The following LMNTD1 variants were observed in gnomAD, a reference collection of about 807,000 sequenced individuals.
LMNTD1 encodes the protein lamin tail domain containing 1.
Under a neutral mutation model 50.9 loss-of-function variants are expected in LMNTD1, and 35 were observed. That is an observed-to-expected ratio of 0.69 (90% confidence interval 0.53 to 0.91). The LOEUF is 0.91. Ranked by LOEUF, LMNTD1 falls within the 40% of genes least tolerant of loss-of-function variation. LMNTD1 has a pLI of 0.00. For missense variants in LMNTD1, 470 were observed against 475.5 expected, an observed-to-expected ratio of 0.99 and a Z score of 0.11; for synonymous variants, 153 against 161.9, an observed-to-expected ratio of 0.94 and a Z score of 0.42.
At chr12:25,597,847 G>A (rs1299108986) in intron 1 of LMNTD1, among the ~76,000 whole-genome samples, 1 of 152,030 alleles carries the variant, frequency 6.6e-6, no homozygotes, top group Non-Finnish European at 1.5e-5. Flanking sequence ...GAGAAATTTT[G>A]GAAATTATAC....
At chr12:25,602,137 G>C (rs936698103) in intron 1 of LMNTD1, among the ~76,000 whole-genome samples, 3 of 151,702 alleles carry the variant, frequency 2.0e-5, no homozygotes, top group African/African-American at 7.3e-5. Flanking sequence ...GAAAGAAGGG[G>C]TACTGACTGG....
At chr12:25,515,831 T>C (rs1009093011) in intron 8 of LMNTD1, among the ~76,000 whole-genome samples, 1 of 152,156 alleles carries the variant, frequency 6.6e-6, no homozygotes, top group African/African-American at 2.4e-5. Flanking sequence ...GATAGATTTC[T>C]TTCTATCTAA....
rs374476077 is a variant in LMNTD1, at chr12:25,564,577, T to C, written c.59-18023A>G. ...CGGCTTGATTTATAGTTTTATTCTG[T>C]TGTGATCAGAGAAGATGCTAGACAT... On this transcript the variant is annotated intron_variant, in intron 1 of 7. Coordinates refer to the LMNTD1 transcript ENST00000445693. Among the ~76,000 whole-genome samples, 349 of 152,290 alleles carry C rather than the reference T, an allele frequency of 2.3e-3. 4 individuals are homozygous for C. Among genetic ancestry groups the C allele is most frequent in the South Asian group, 0.017 (80 of 4,828 alleles).
At chr12:25,545,268 A>C (rs1037411436) in intron 4 of LMNTD1, among the ~76,000 whole-genome samples, 1 of 151,650 alleles carries the variant, frequency 6.6e-6, no homozygotes, top group Non-Finnish European at 1.5e-5. Context: ...CACATTAAAA[A>C]CATTGTCTCA....
At chr12:25,552,401 G>A in intron 2 of LMNTD1, among the ~76,000 whole-genome samples, 1 of 151,650 alleles carries the variant, frequency 6.6e-6, no homozygotes, top group Admixed American at 6.6e-5. Flanking sequence ...GGCAGATCAC[G>A]AGGTCAGGAG....
intron 9 of LMNTD1, among the ~76,000 whole-genome samples, chr12:25,481,392 C>G (rs1226333271): frequency 6.6e-6 from 1 of 152,042 alleles, no homozygotes; most frequent in East Asian, 1.9e-4. Context: ...CAGGATCTCC[C>G]TAGCACAGAG....
intron 1 of LMNTD1, among the ~76,000 whole-genome samples, chr12:25,563,702 G>A (rs560617878): frequency 6.6e-6 from 1 of 152,362 alleles, no homozygotes; most frequent in African/African-American, 2.4e-5. Flanking sequence ...GTCTGCAGAA[G>A]TTTCTGCTGC....
intron 8 of LMNTD1, among the ~76,000 whole-genome samples, chr12:25,508,267 G>A (rs1183937063): frequency 4.6e-5 from 7 of 152,114 alleles, no homozygotes; most frequent in African/African-American, 1.7e-4. Context: ...AGCATTTTTG[G>A]TAACCTCTAA....
intron 1 of LMNTD1, among the ~76,000 whole-genome samples, chr12:25,576,928 G>C (rs976226216): frequency 1.1e-4 from 17 of 152,110 alleles, no homozygotes; most frequent in African/African-American, 1.4e-4. Flanking sequence ...AGTTTTCCCA[G>C]CACCATTTAT....
At chr12:25,644,562 C>CA (rs1947025546) in intron 1 of LMNTD1, among the ~76,000 whole-genome samples, 1 of 151,918 alleles carries the variant, frequency 6.6e-6, no homozygotes. Context: ...AACAAACAAA[C>CA]AAAAACAGAA....
intron 1 of LMNTD1, among the ~76,000 whole-genome samples, chr12:25,594,756 C>T (rs1444782486): frequency 3.3e-5 from 5 of 150,406 alleles, no homozygotes; most frequent in Non-Finnish European, 4.4e-5. Flanking sequence ...ATGTAAATGG[C>T]CTAAACGCTC....
intron 9 of LMNTD1, among the ~76,000 whole-genome samples, chr12:25,482,759 G>A (rs1938483897): frequency 1.3e-5 from 2 of 151,970 alleles, no homozygotes; most frequent in Admixed American, 1.3e-4. Flanking sequence ...GTTGGTGAGT[G>A]TGTTTATGTC....
At chr12:25,495,846 C>G (rs1375892435) in intron 9 of LMNTD1, among the ~76,000 whole-genome samples, 1 of 152,166 alleles carries the variant, frequency 6.6e-6, no homozygotes, top group East Asian at 1.9e-4. Flanking sequence ...GCTGAGCATT[C>G]ATTTCTCTCT....
chr12:25,549,447 A>G lies in LMNTD1; in HGVS notation c.189T>C (p.Ser63=). ...ACAGATAGTAACCAAGAGGCATTCC[A>G]CTGGAATTTGAAGATGACAATGGCA... ...TTLPLSSSNS[S]GMPLGYYLSS... is the part of the protein sequence containing the mutation. Residue 63 remains serine (S), a synonymous_variant, in exon 3 of 10, where the codon AGT becomes AGC. Transcript: ENST00000458174. 1.9e-6 allele frequency: 3 copies of G among 1,613,332 alleles called. No homozygotes were observed. The highest frequency in any genetic ancestry group is 2.5e-6 in the Non-Finnish European group (3 of 1,179,402).
intron 4 of LMNTD1, among the ~76,000 whole-genome samples, chr12:25,530,562 A>G (rs279014): frequency 0.62 from 94,239 of 152,034 alleles, 30,563 homozygotes; most frequent in Non-Finnish European, 0.71. Flanking sequence ...TCAAACAGCC[A>G]GTTTCTGAAT....
chr12:25,586,989 G>A (rs1945548259), intron 1 of LMNTD1, among the ~76,000 whole-genome samples: 1 of 152,144 alleles, frequency 6.6e-6, no homozygotes, highest in East Asian at 1.9e-4. Context: ...CAGCAGCACT[G>A]AACCACATGT....
intron 1 of LMNTD1, among the ~76,000 whole-genome samples, chr12:25,592,228 T>C (rs1053343126): frequency 1.3e-5 from 2 of 152,154 alleles, no homozygotes; most frequent in Non-Finnish European, 2.9e-5. Context: ...AGAACTAGAT[T>C]GCAGCTCCCA....
At chr12:25,639,120 T>C (rs141040967) in intron 1 of LMNTD1, among the ~76,000 whole-genome samples, 29 of 152,178 alleles carry the variant, frequency 1.9e-4, no homozygotes, top group African/African-American at 7.0e-4. Context: ...TACATGCAAA[T>C]GAATGAAGTT....
At chr12:25,610,581 AAGATGAGG>A (rs760179508) in intron 1 of LMNTD1, among the ~76,000 whole-genome samples, 3 of 152,162 alleles carry the variant, frequency 2.0e-5, no homozygotes, top group South Asian at 2.1e-4. Flanking sequence ...AGAAGAATGA[AAGATGAGG>A]AGATGAGGAG....
Sources: allele counts gnomAD v4.1 joint callset (sites outside exome capture counted in the v4.1 genomes callset), GRCh38; gene constraint gnomAD v4.1.1; transcripts MANE v1.5; gene names NCBI Gene and HGNC (gene_info 2026-07-23, HGNC 2026-07-21).